SLC45A2: variants seen among roughly 807,000 people sequenced by gnomAD.
SLC45A2 encodes the protein membrane-associated transporter protein.
A neutral mutation model predicts 45.5 loss-of-function variants in SLC45A2; 36 were observed. The observed-to-expected ratio is 0.79, with a 90% CI of 0.61 to 1.04. SLC45A2 has a LOEUF of 1.04. Ranked by LOEUF, SLC45A2 falls within the 50% of genes least tolerant of loss-of-function variation. The pLI is 0.00. For synonymous variants in SLC45A2, 306 were observed against 269.3 expected, an observed-to-expected ratio of 1.14 and a Z score of -1.33; for missense variants, 719 against 671.0, an observed-to-expected ratio of 1.07 and a Z score of -0.79.
chr5:33,951,421 T>G, intron 5 of SLC45A2, 133 bp downstream of exon 5: 2 of 1,589,500 alleles, frequency 1.3e-6, no homozygotes, highest in Non-Finnish European at 1.7e-6. Flanking sequence ...AGGTGATAGT[T>G]TTTCCTGACG....
chr5:33,980,462 G>GA (rs1017694202), intron 2 of SLC45A2, among the ~76,000 whole-genome samples: 15 of 152,276 alleles, frequency 9.9e-5, no homozygotes, highest in African/African-American at 3.6e-4. Flanking sequence ...TTCCACATCT[G>GA]AAAAATGGGA....
At chr5:33,945,916 A>T in intron 6 of SLC45A2, 3 of 962,588 alleles carry the variant, frequency 3.1e-6, no homozygotes, top group Non-Finnish European at 3.7e-6. Flanking sequence ...TTAACAAAAA[A>T]CTAGTAAGAG....
At chr5:33,976,955 C>T (rs1752944384) in intron 2 of SLC45A2, among the ~76,000 whole-genome samples, 1 of 95,770 alleles carries the variant, frequency 1.0e-5, no homozygotes, top group Non-Finnish European at 2.4e-5. Context: ...TGTCCCTGTA[C>T]TCCCGATTCC....
chr5:33,982,165 C>A, intron 2 of SLC45A2, 71 bp downstream of exon 2: 1 of 1,567,546 alleles, frequency 6.4e-7, no homozygotes, highest in South Asian at 1.1e-5. Flanking sequence ...TGTAGAGACA[C>A]TGGATGGCTT....
chr5:33,983,888 C>T (rs889828111), intron 1 of SLC45A2, among the ~76,000 whole-genome samples: 1 of 152,010 alleles, frequency 6.6e-6, no homozygotes, highest in Admixed American at 6.6e-5. Context: ...CAAAAAGTAA[C>T]TCAATTGATA....
At chr5:33,959,316 T>A (rs973930297) in intron 3 of SLC45A2, among the ~76,000 whole-genome samples, 28 of 152,206 alleles carry the variant, frequency 1.8e-4, no homozygotes, top group African/African-American at 5.3e-4. Context: ...ATGAATGTTA[T>A]CATATAGATA....
At chr5:33,969,957 G>C (rs960712453) in intron 2 of SLC45A2, among the ~76,000 whole-genome samples, 4 of 152,180 alleles carry the variant, frequency 2.6e-5, no homozygotes, top group Non-Finnish European at 5.9e-5. Flanking sequence ...AAAGTTTACA[G>C]AACTAATATT....
In SLC45A2 at chr5:33,964,024, G is replaced by A; in HGVS notation, c.563-8C>T. The A allele has an allele frequency of 1.9e-6, 3 of 1,613,306 alleles. No homozygotes were observed. Among genetic ancestry groups the A allele is most frequent in the Non-Finnish European group, 2.5e-6 (3 of 1,179,474 alleles). Reference sequence around the variant, plus strand: ...CCAGGGCACCTCCAAAACCTGGAAAGCAAGAAAAGCTATGTTAGCATATTT... The same window carrying A: ...CCAGGGCACCTCCAAAACCTGGAAAACAAGAAAAGCTATGTTAGCATATTT... On this transcript the variant is annotated splice_polypyrimidine_tract_variant and splice_region_variant and intron_variant, in intron 2 of 6. Transcript: ENST00000296589.
intron 3 of SLC45A2, among the ~76,000 whole-genome samples, chr5:33,959,190 C>T (rs754292909): frequency 1.2e-4 from 18 of 151,894 alleles, no homozygotes; most frequent in South Asian, 4.2e-4. Context: ...CCATTTTTTC[C>T]TCTATGTTAT....
At chr5:33,961,735 T>C (rs1457986325) in intron 3 of SLC45A2, among the ~76,000 whole-genome samples, 1 of 152,200 alleles carries the variant, frequency 6.6e-6, no homozygotes, top group African/African-American at 2.4e-5. Context: ...GAATGCTGCC[T>C]CTCTGGATCC....
chr5:33,972,727 T>C lies in SLC45A2; in HGVS notation c.563-8711A>G, dbSNP rs576736448. The stretch of plus-strand genomic sequence containing the variant: ...TGCCAATGATCTCATTAAAAGTGTA[T>C]GAATAAAAATATGAGTAACATCATA... On this transcript the variant is annotated intron_variant, in intron 2 of 6. Transcript: ENST00000296589. 3 of 152,444 alleles carry C rather than the reference T, an allele frequency of 2.0e-5. No individual in the cohort carries two copies. In the East Asian group the frequency reaches 5.8e-4, roughly 29 times the overall value. The allele number at this position is 152,444 out of a possible 1,614,324, so 9.4% of individuals were successfully genotyped here. A position where few individuals can be genotyped will look rare whatever the true frequency, so the allele number is the denominator to read the frequency against.
chr5:33,966,542 G>C (rs368117338), intron 2 of SLC45A2, among the ~76,000 whole-genome samples: 1 of 146,652 alleles, frequency 6.8e-6, no homozygotes, highest in South Asian at 2.2e-4. Context: ...CCGGGTTCAC[G>C]CCATTCTCCT....
intron 1 of SLC45A2, 95 bp from the exon 2 acceptor site, chr5:33,982,507 T>G: frequency 8.0e-7 from 1 of 1,253,102 alleles, no homozygotes. Context: ...AAAATCATCT[T>G]CCTTGCTTTT....
chr5:33,974,474 G>A lies in SLC45A2; in HGVS notation c.562+7762C>T, dbSNP rs116235999. Among the ~76,000 whole-genome samples the A allele has an allele frequency of 5.3e-3, 802 of 152,080 alleles. 6 individuals carry two copies. The highest frequency in any genetic ancestry group is 0.018 in the African/African-American group (760 of 41,456). On this transcript the variant is annotated intron_variant, in intron 2 of 6. Transcript: ENST00000296589. The stretch of plus-strand genomic sequence containing the variant: ...AAACAAAAAAAAAAAAAGAATTTCA[G>A]TTTACTGGGATGATTGGATTCCTTG...
In SLC45A2 at chr5:33,944,637, T is replaced by C; in HGVS notation, c.*11A>G. 1 of 1,613,286 alleles carries C rather than the reference T, an allele frequency of 6.2e-7. No homozygotes were observed. Among genetic ancestry groups the C allele is most frequent in the Admixed American group, 1.7e-5 (1 of 60,012 alleles). ...TGTCTCTGAGGTTAGGGTCATTGTCTCTTTATTGACCTAATCCACATATCT... is the reference window on the plus strand; with the variant it reads ...TGTCTCTGAGGTTAGGGTCATTGTCCCTTTATTGACCTAATCCACATATCT... On this transcript the variant is annotated 3_prime_UTR_variant, in exon 7 of 7. Transcript: ENST00000296589.
intron 3 of SLC45A2, among the ~76,000 whole-genome samples, chr5:33,961,840 CG>C (rs1368450055): frequency 2.0e-5 from 3 of 152,218 alleles, no homozygotes; most frequent in Non-Finnish European, 2.9e-5. Flanking sequence ...ACTAACAAGA[CG>C]GGGGGTATTA....
At position 33,957,479 on chromosome 5, in the gene SLC45A2, C is replaced by T. The variant is rs115977214; in HGVS notation, c.889-2975G>A. Among the ~76,000 whole-genome samples, 395 of 152,284 alleles carry T rather than the reference C, an allele frequency of 2.6e-3. 5 individuals carry two copies. The highest frequency in any genetic ancestry group is 9.0e-3 in the African/African-American group (375 of 41,556). On this transcript the variant is annotated intron_variant, in intron 3 of 6. Coordinates refer to ENST00000296589, the MANE Select transcript of SLC45A2 (RefSeq NM_016180.5). ...CATCAGTCTTGCAGTATCTAGCCCACTGACCATAACTATACTCATTTTCTG... is the reference window on the plus strand; with the variant it reads ...CATCAGTCTTGCAGTATCTAGCCCATTGACCATAACTATACTCATTTTCTG...
intron 5 of SLC45A2, among the ~76,000 whole-genome samples, chr5:33,949,765 G>T (rs992423455): frequency 5.3e-5 from 8 of 151,668 alleles, no homozygotes; most frequent in African/African-American, 1.9e-4. Context: ...AACTAGAAGG[G>T]ACCTAAAAAT....
At chr5:33,951,743 C>G (rs1752107912) in intron 4 of SLC45A2, 66 bp from the exon 5 acceptor site, 1 of 1,603,174 alleles carries the variant, frequency 6.2e-7, no homozygotes, top group African/African-American at 1.3e-5. Flanking sequence ...CTCATGCACT[C>G]TGCTTCTCCA....
Sources: gnomAD v4.1 joint callset for allele counts (sites outside exome capture counted in the v4.1 genomes callset) on GRCh38, gnomAD v4.1.1 for gene constraint, MANE v1.5 for transcripts, NCBI Gene and HGNC (gene_info 2026-07-23, HGNC 2026-07-21) for gene names.